The following STPG2 variants were observed in gnomAD, a reference collection of about 807,000 sequenced individuals.
STPG2 encodes the protein sperm tail PG-rich repeat containing 2, also known as sperm-tail PG-rich repeat-containing protein 2.
Under a neutral mutation model 54.2 loss-of-function variants are expected in STPG2, and 56 were observed. The observed-to-expected ratio is 1.03, with a 90% CI of 0.83 to 1.29. STPG2 has a LOEUF of 1.29. Among genes scored for constraint, STPG2 ranks in the 50% most tolerant of loss-of-function variants. The pLI, the probability that STPG2 is intolerant of heterozygous loss-of-function variation, is 0.00. For synonymous variants in STPG2, 200 were observed against 181.8 expected (o/e 1.10, Z -0.81); for missense variants, 596 against 544.9 (o/e 1.09, Z -0.93).
chr4:97,944,655 CA>C (rs1284722948), intron 7 of STPG2, among the ~76,000 whole-genome samples: 2 of 152,032 alleles, frequency 1.3e-5, no homozygotes, highest in African/African-American at 2.4e-5. Context: ...TCTATTTTCC[CA>C]TTTTTTTACA....
rs774408983 is a variant in STPG2 at position 98,105,952 on chromosome 4, C to A, written c.612+1G>T. The A allele has an allele frequency of 1.8e-5, 28 of 1,559,774 alleles. No individual in the cohort carries two copies. The highest frequency in any genetic ancestry group is 3.5e-5 in the Admixed American group (2 of 57,404). ...TATGCATTAGCCACTTTTCAACTTA[C>A]CTTTTTTTTCTCCTGCAATACTATT... On this transcript the variant is annotated splice_donor_variant, in intron 5 of 10. Coordinates refer to ENST00000295268, the MANE Select transcript of STPG2 (RefSeq NM_174952.3). LOFTEE classifies it high-confidence loss of function.
At chr4:97,528,994 C>T (rs1253723529) in intron 4 of STPG2, among the ~76,000 whole-genome samples, 5 of 152,140 alleles carry the variant, frequency 3.3e-5, no homozygotes, top group African/African-American at 1.2e-4. Flanking sequence ...TGCCTGACTG[C>T]CCTGGCCAGA....
At chr4:97,582,510 A>C (rs1732887596) in intron 10 of STPG2, among the ~76,000 whole-genome samples, 1 of 152,072 alleles carries the variant, frequency 6.6e-6, no homozygotes, top group Non-Finnish European at 1.5e-5. Context: ...TTCATCTGCT[A>C]ATCATACTCA....
At chr4:97,477,792 G>A (rs992969189) in intron 4 of STPG2, among the ~76,000 whole-genome samples, 12 of 151,766 alleles carry the variant, frequency 7.9e-5, no homozygotes, top group South Asian at 2.1e-4. Context: ...GCCTGGCCTC[G>A]CTTTTTAAAT....
rs549536587 is a variant in STPG2, at chr4:97,989,333, T to C, written c.613-8015A>G. Among the ~76,000 whole-genome samples the C allele has an allele frequency of 1.3e-3, 199 of 152,288 alleles. 1 individual carries two copies. The highest frequency in any genetic ancestry group is 4.4e-3 in the African/African-American group (184 of 41,544). ...GAAGCTATACAGATATGCCGTATTCTTCTTCTCCCTATACAGTACTCCTTC... is the reference window on the plus strand; with the variant it reads ...GAAGCTATACAGATATGCCGTATTCCTCTTCTCCCTATACAGTACTCCTTC... On this transcript the variant is annotated intron_variant, in intron 5 of 10. Coordinates refer to ENST00000295268, the MANE Select transcript of STPG2 (RefSeq NM_174952.3).
intron 4 of STPG2, among the ~76,000 whole-genome samples, chr4:97,468,612 G>A (rs1398811489): frequency 6.6e-6 from 1 of 151,882 alleles, no homozygotes; most frequent in Non-Finnish European, 1.5e-5. Flanking sequence ...AGTTAAACGT[G>A]GTAATAACCA....
intron 9 of STPG2, among the ~76,000 whole-genome samples, chr4:97,840,210 G>A (rs764233872): frequency 6.6e-6 from 1 of 151,412 alleles, no homozygotes; most frequent in Non-Finnish European, 1.5e-5. Context: ...CTGCCTTGAT[G>A]TATATCTTCT....
chr4:97,824,816 C>CG (rs1480689238), intron 9 of STPG2, among the ~76,000 whole-genome samples: 2 of 152,094 alleles, frequency 1.3e-5, no homozygotes, highest in Non-Finnish European at 2.9e-5. Flanking sequence ...TGCCATTTTA[C>CG]GGGGGCAGCC....
chr4:97,786,359 T>C (rs922562792), intron 9 of STPG2, among the ~76,000 whole-genome samples: 22 of 152,248 alleles, frequency 1.4e-4, no homozygotes, highest in Admixed American at 8.5e-4. Context: ...GTTTTTATTG[T>C]TCAGATTTTG....
At chr4:97,874,372 T>C (rs1019542913) in intron 8 of STPG2, among the ~76,000 whole-genome samples, 6 of 151,876 alleles carry the variant, frequency 4.0e-5, no homozygotes, top group Middle Eastern at 3.4e-3. Context: ...TCATGTATAA[T>C]TGACATACAG....
chr4:98,027,608 G>A (rs140918404), intron 5 of STPG2, among the ~76,000 whole-genome samples: 170 of 152,198 alleles, frequency 1.1e-3, no homozygotes, highest in African/African-American at 3.9e-3. Context: ...TAGAACACCA[G>A]ACAAACATTT....
At chr4:97,848,963 G>C (rs1027340831) in intron 8 of STPG2, among the ~76,000 whole-genome samples, 2 of 149,018 alleles carry the variant, frequency 1.3e-5, no homozygotes, top group African/African-American at 2.5e-5. Context: ...TTTTGGCTTA[G>C]GATTGACTTG....
At chr4:98,104,797 C>A (rs776997875) in intron 5 of STPG2, among the ~76,000 whole-genome samples, 3 of 152,156 alleles carry the variant, frequency 2.0e-5, no homozygotes, top group Non-Finnish European at 4.4e-5. Flanking sequence ...CAAATTTAAA[C>A]TGTACATTAG....
intron 4 of STPG2, among the ~76,000 whole-genome samples, chr4:97,526,500 T>G (rs1028653440): frequency 6.6e-6 from 1 of 152,116 alleles, no homozygotes; most frequent in Non-Finnish European, 1.5e-5. Context: ...TCCGTTTATA[T>G]CCTATGTCCA....
intron 10 of STPG2, among the ~76,000 whole-genome samples, chr4:97,684,746 T>C (rs1326844780): frequency 1.3e-5 from 2 of 151,948 alleles, no homozygotes; most frequent in Non-Finnish European, 2.9e-5. Context: ...TTTGATAAGT[T>C]GCTCTTCATT....
At chr4:98,017,819 G>T (rs997029198) in intron 5 of STPG2, among the ~76,000 whole-genome samples, 2 of 151,894 alleles carry the variant, frequency 1.3e-5, no homozygotes, top group Non-Finnish European at 2.9e-5. Flanking sequence ...TGATAGTGAG[G>T]GAGTTCTCAT....
intron 10 of STPG2, among the ~76,000 whole-genome samples, chr4:97,681,313 A>G (rs1468246438): frequency 1.3e-5 from 2 of 151,934 alleles, no homozygotes; most frequent in African/African-American, 4.8e-5. Flanking sequence ...ATAGAACAAG[A>G]AAAAGAAATT....
intron 9 of STPG2, among the ~76,000 whole-genome samples, chr4:97,755,573 T>A (rs1410639719): frequency 6.6e-6 from 1 of 152,206 alleles, no homozygotes; most frequent in Non-Finnish European, 1.5e-5. Flanking sequence ...TCATTTCTCT[T>A]CAACTTTATT....
chr4:97,453,370 C>T (rs896667423), intron 4 of STPG2, among the ~76,000 whole-genome samples: 6 of 152,186 alleles, frequency 3.9e-5, no homozygotes, highest in African/African-American at 7.2e-5. Flanking sequence ...TGCTGCTCCA[C>T]GCCTGACTCT....
Sources: gnomAD v4.1 joint callset for allele counts (sites outside exome capture counted in the v4.1 genomes callset) on GRCh38, gnomAD v4.1.1 for gene constraint, MANE v1.5 for transcripts, NCBI Gene and HGNC (gene_info 2026-07-23, HGNC 2026-07-21) for gene names.